Variants in TENM3 observed in about 807,000 individuals in gnomAD.
The protein encoded by TENM3 is teneurin-3.
A neutral mutation model predicts 255.1 loss-of-function variants in TENM3; 63 were observed. The observed-to-expected ratio is 0.25, with a 90% CI of 0.20 to 0.30. The LOEUF (loss-of-function observed/expected upper bound fraction) is 0.30. Ranked by LOEUF, TENM3 falls within the 10% of genes least tolerant of loss-of-function variation. The pLI is 1.00. For missense variants in TENM3, 2,929 were observed against 3,461.1 expected, an observed-to-expected ratio of 0.85 and a Z score of 3.86; for synonymous variants, 1,306 against 1,322.3, an observed-to-expected ratio of 0.99 and a Z score of 0.27.
the TENM3 span, among the ~76,000 whole-genome samples, chr4:182,069,021 C>T: frequency 3.3e-5 from 5 of 151,724 alleles, no homozygotes; most frequent in South Asian, 6.2e-4. Flanking sequence ...AAAAGCATAA[C>T]AAAATGAAAT....
At chr4:182,520,152 G>A (rs986861520) in intron 3 of TENM3, among the ~76,000 whole-genome samples, 2 of 151,986 alleles carry the variant, frequency 1.3e-5, no homozygotes, top group African/African-American at 4.8e-5. Context: ...AAGGAAGAAC[G>A]AAAATTGTCT....
the TENM3 span, among the ~76,000 whole-genome samples, chr4:181,482,883 G>T: frequency 1.3e-5 from 2 of 152,096 alleles, no homozygotes; most frequent in South Asian, 2.1e-4. Flanking sequence ...CCAATCCCAA[G>T]CAATCATTCT....
At chr4:182,394,082 C>A (rs1360713667) in intron 3 of TENM3, among the ~76,000 whole-genome samples, 2 of 151,912 alleles carry the variant, frequency 1.3e-5, no homozygotes, top group African/African-American at 4.9e-5. Flanking sequence ...TAAACATCAC[C>A]GTTGGGCTAT....
At chr4:181,637,467 C>G in the TENM3 span, among the ~76,000 whole-genome samples, 1 of 152,196 alleles carries the variant, frequency 6.6e-6, no homozygotes, top group Non-Finnish European at 1.5e-5. Flanking sequence ...ATGCACATGA[C>G]AGTGGCAAAA....
chr4:182,109,426 A>G, the TENM3 span, among the ~76,000 whole-genome samples: 13 of 151,838 alleles, frequency 8.6e-5, no homozygotes, highest in African/African-American at 2.9e-4. Context: ...ATGTAGACAA[A>G]TCGTTTTGAA....
upstream of TENM3, among the ~76,000 whole-genome samples, chr4:182,238,429 C>G (rs1207964112): frequency 1.3e-5 from 2 of 152,168 alleles, no homozygotes; most frequent in Non-Finnish European, 2.9e-5. Flanking sequence ...CCAAATGCAA[C>G]GCCCAGGGGA....
In TENM3 at chr4:182,386,805, C is replaced by G. The variant is rs372638239; in HGVS notation, c.511+39876C>G. ...CCTTCCCGCGGGGCAGGCCTCCGGA[C>G]TGAAGCCCGCCATGCCTGAGCCTTC... On this transcript the variant is annotated intron_variant, in intron 3 of 27. Coordinates refer to ENST00000511685, the MANE Select transcript of TENM3 (RefSeq NM_001080477.4). Among the ~76,000 whole-genome samples, 20 of 152,358 alleles carry G rather than the reference C, an allele frequency of 1.3e-4. 1 individual carries two copies. In the South Asian group the frequency reaches 3.3e-3, roughly 25 times the overall value.
the TENM3 span, among the ~76,000 whole-genome samples, chr4:181,831,968 TTGTGTGTGTGTGTGTGTGTGTGTGTG>T: frequency 1.1e-3 from 149 of 132,714 alleles, 1 homozygote; most frequent in African/African-American, 3.9e-3. Flanking sequence ...ATATATTACA[TTGTGTGTGTGTGTGTGTGTGTGTGTG>T]TGTGTGTGTG....
At chr4:181,885,145 G>C in the TENM3 span, among the ~76,000 whole-genome samples, 31 of 152,188 alleles carry the variant, frequency 2.0e-4, no homozygotes, top group East Asian at 5.2e-3. Context: ...TTTTCCCCTT[G>C]TTCTGAGCAG....
chr4:181,945,214 T>C, the TENM3 span, among the ~76,000 whole-genome samples: 1 of 151,992 alleles, frequency 6.6e-6, no homozygotes, highest in East Asian at 2.0e-4. Context: ...CAACTTAAAA[T>C]TAGGGGTTAA....
chr4:182,335,494 C>CAAAAA (rs372965020), intron 2 of TENM3, among the ~76,000 whole-genome samples: 1,800 of 52,264 alleles, frequency 0.034, 150 homozygotes, highest in Non-Finnish European at 0.047. Flanking sequence ...GACTCCGCCT[C>CAAAAA]AAAAAAAAAA....
chr4:181,623,819 G>A, the TENM3 span, among the ~76,000 whole-genome samples: 1 of 152,132 alleles, frequency 6.6e-6, no homozygotes, highest in Non-Finnish European at 1.5e-5. Context: ...CAGATATTAA[G>A]CAATTTTATG....
At chr4:181,980,688 A>G in the TENM3 span, among the ~76,000 whole-genome samples, 5 of 152,190 alleles carry the variant, frequency 3.3e-5, no homozygotes, top group East Asian at 9.6e-4. Context: ...TCTAATTTCT[A>G]ATTTTCAAAT....
intron 3 of TENM3, among the ~76,000 whole-genome samples, chr4:182,501,102 C>T (rs984208114): frequency 2.6e-5 from 4 of 151,958 alleles, no homozygotes; most frequent in African/African-American, 7.3e-5. Context: ...CATTGGTCAT[C>T]GAATGATTTA....
the TENM3 span, among the ~76,000 whole-genome samples, chr4:181,465,491 T>C: frequency 2.6e-5 from 4 of 152,126 alleles, no homozygotes; most frequent in Non-Finnish European, 5.9e-5. Flanking sequence ...TGAAAGATAG[T>C]CAGAAAAGGT....
the TENM3 span, among the ~76,000 whole-genome samples, chr4:181,993,611 T>C: frequency 3.9e-5 from 6 of 152,196 alleles, no homozygotes; most frequent in Non-Finnish European, 2.9e-5. Context: ...TCTATGCCAG[T>C]GCTTTGCATT....
chr4:182,127,468 G>A, the TENM3 span, among the ~76,000 whole-genome samples: 1 of 152,170 alleles, frequency 6.6e-6, no homozygotes, highest in Non-Finnish European at 1.5e-5. Flanking sequence ...GCTGTGCCCT[G>A]TTAGAGGGCA....
chr4:182,053,061 C>T, the TENM3 span, among the ~76,000 whole-genome samples: 1 of 152,138 alleles, frequency 6.6e-6, no homozygotes, highest in African/African-American at 2.4e-5. Flanking sequence ...TCAAATTGTT[C>T]TCCCACTTCA....
chr4:181,674,460 G>T, the TENM3 span, among the ~76,000 whole-genome samples: 1 of 150,174 alleles, frequency 6.7e-6, no homozygotes, highest in Non-Finnish European at 1.5e-5. Context: ...GAAATGCTGA[G>T]TCAGACAACA....
Sources: allele counts gnomAD v4.1 joint callset (sites outside exome capture counted in the v4.1 genomes callset), GRCh38; gene constraint gnomAD v4.1.1; transcripts MANE v1.5; gene names NCBI Gene and HGNC (gene_info 2026-07-23, HGNC 2026-07-21).